Variants in JAZF1 observed in about 807,000 individuals in gnomAD.
JAZF1 encodes juxtaposed with another zinc finger protein 1.
Under a neutral mutation model 26.4 loss-of-function variants are expected in JAZF1, and 8 were observed. The observed-to-expected ratio is 0.30, with a 90% CI of 0.18 to 0.55. The LOEUF (loss-of-function observed/expected upper bound fraction) is 0.55. Among genes scored for constraint, JAZF1 ranks in the 20% least tolerant of loss-of-function variants. JAZF1 has a pLI of 0.94. For synonymous variants in JAZF1, 126 were observed against 122.3 expected (o/e 1.03, Z -0.20); for missense variants, 199 against 322.0 (o/e 0.62, Z 2.92).
At chr7:27,975,908 A>G (rs1785460882) in intron 2 of JAZF1, among the ~76,000 whole-genome samples, 1 of 152,194 alleles carries the variant, frequency 6.6e-6, no homozygotes, top group African/African-American at 2.4e-5. Flanking sequence ...TTCCTAACAA[A>G]TGAATCACAT....
intron 1 of JAZF1, among the ~76,000 whole-genome samples, chr7:28,045,047 C>T (rs75368875): frequency 0.036 from 5,484 of 151,848 alleles, 340 homozygotes; most frequent in African/African-American, 0.13. Flanking sequence ...AGTGCCTAGC[C>T]TAAGGGGCAG....
intron 2 of JAZF1, among the ~76,000 whole-genome samples, chr7:27,907,962 G>C (rs1485591690): frequency 1.3e-5 from 2 of 152,182 alleles, no homozygotes; most frequent in Non-Finnish European, 2.9e-5. Context: ...CTGTGCCATC[G>C]TGGACTTACA....
rs1047441860 is a variant in JAZF1 at position 27,949,941 on chromosome 7, C to T, written c.188+41968G>A. On this transcript the variant is annotated intron_variant, in intron 2 of 4. Transcript: ENST00000283928. The stretch of plus-strand genomic sequence containing the variant: ...TTATCTCTCCACTGTCTCCCAATCC[C>T]CAACTTAGGAACTTCCCAGGATTCC... Among the ~76,000 whole-genome samples the T allele has an allele frequency of 2.0e-5, 3 of 152,168 alleles. No individual in the cohort carries two copies. In the South Asian group the frequency reaches 6.2e-4, roughly 32 times the overall value.
chr7:27,911,160 G>A (rs207), intron 2 of JAZF1, among the ~76,000 whole-genome samples: 145,023 of 152,314 alleles, frequency 0.95, 69,151 homozygotes, highest in East Asian at 1. Context: ...TGTTCCCAAC[G>A]GTGTGCAAAC....
At chr7:27,948,928 T>A (rs955204935) in intron 2 of JAZF1, among the ~76,000 whole-genome samples, 1 of 152,202 alleles carries the variant, frequency 6.6e-6, no homozygotes, top group South Asian at 2.1e-4. Flanking sequence ...TACCTGCCCT[T>A]AGAAGACATC....
chr7:27,846,082 G>A (rs188654051), intron 3 of JAZF1, among the ~76,000 whole-genome samples: 16 of 151,958 alleles, frequency 1.1e-4, no homozygotes, highest in Admixed American at 2.6e-4. Flanking sequence ...TTCATCCTAC[G>A]TACCTACTAC....
intron 2 of JAZF1, among the ~76,000 whole-genome samples, chr7:27,901,413 A>G (rs968378684): frequency 6.6e-6 from 1 of 152,216 alleles, no homozygotes; most frequent in Admixed American, 6.5e-5. Context: ...GAAAATGTCA[A>G]CTGCTGGTCC....
intron 2 of JAZF1, among the ~76,000 whole-genome samples, chr7:27,952,285 A>T (rs751826639): frequency 1.6e-4 from 25 of 152,194 alleles, no homozygotes; most frequent in Non-Finnish European, 3.1e-4. Flanking sequence ...GGGGTCAGAG[A>T]AGACATTTCG....
intron 1 of JAZF1, among the ~76,000 whole-genome samples, chr7:28,128,128 T>C (rs2127940667): frequency 6.6e-6 from 1 of 152,306 alleles, no homozygotes; most frequent in South Asian, 2.1e-4. Context: ...AGGTTGTAGA[T>C]GTGATCATAG....
At chr7:27,898,144 G>A (rs933392619) in intron 2 of JAZF1, among the ~76,000 whole-genome samples, 4 of 152,068 alleles carry the variant, frequency 2.6e-5, no homozygotes, top group Non-Finnish European at 1.5e-5. Flanking sequence ...AAAGCACTGA[G>A]CACACACGTG....
chr7:27,862,008 C>T (rs757739724), intron 3 of JAZF1, among the ~76,000 whole-genome samples: 2 of 152,172 alleles, frequency 1.3e-5, no homozygotes, highest in Non-Finnish European at 2.9e-5. Flanking sequence ...TCAGCATCTC[C>T]AGAGCCATGC....
intron 1 of JAZF1, among the ~76,000 whole-genome samples, chr7:28,013,265 C>A (rs1782828588): frequency 6.6e-6 from 1 of 152,164 alleles, no homozygotes. Context: ...AGACCTAGCA[C>A]AGGGCCTGCT....
chr7:28,127,926 C>T (rs921488739), intron 1 of JAZF1, among the ~76,000 whole-genome samples: 3 of 152,068 alleles, frequency 2.0e-5, no homozygotes, highest in African/African-American at 7.2e-5. Flanking sequence ...CCTCATGATT[C>T]AATCATCTCC....
intron 2 of JAZF1, among the ~76,000 whole-genome samples, chr7:27,906,043 A>G (rs1280780730): frequency 1.3e-5 from 2 of 152,198 alleles, no homozygotes; most frequent in Non-Finnish European, 2.9e-5. Context: ...TATTATTATC[A>G]TTGCGAAAAA....
intron 3 of JAZF1, among the ~76,000 whole-genome samples, chr7:27,850,480 C>A (rs966995867): frequency 1.3e-5 from 2 of 152,130 alleles, no homozygotes; most frequent in African/African-American, 4.8e-5. Flanking sequence ...ATTGCCAGCC[C>A]GGTGTTGGAT....
intron 1 of JAZF1, among the ~76,000 whole-genome samples, chr7:28,158,201 A>AGAGAGAGG (rs1169611404): frequency 6.6e-6 from 1 of 151,580 alleles, no homozygotes; most frequent in Non-Finnish European, 1.5e-5. Flanking sequence ...AGAGAGAGAG[A>AGAGAGAGG]GAGGGAGAGA....
intron 1 of JAZF1, among the ~76,000 whole-genome samples, chr7:28,014,984 A>C (rs900479162): frequency 1.3e-5 from 2 of 151,918 alleles, no homozygotes; most frequent in African/African-American, 2.4e-5. Flanking sequence ...ATCCTGCCAA[A>C]TTCTCAGCTC....
chr7:28,018,905 C>T (rs1782948477), intron 1 of JAZF1, among the ~76,000 whole-genome samples: 1 of 152,188 alleles, frequency 6.6e-6, no homozygotes, highest in South Asian at 2.1e-4. Flanking sequence ...CAGTTGGAGT[C>T]TGTCCTCACT....
intron 2 of JAZF1, among the ~76,000 whole-genome samples, chr7:27,960,944 C>T (rs971994370): frequency 2.6e-5 from 4 of 152,118 alleles, no homozygotes; most frequent in Admixed American, 2.6e-4. Flanking sequence ...AAAGAAAACC[C>T]TGGGGTGTTA....
Sources: allele counts gnomAD v4.1 joint callset (sites outside exome capture counted in the v4.1 genomes callset), GRCh38; gene constraint gnomAD v4.1.1; transcripts MANE v1.5; gene names NCBI Gene and HGNC (gene_info 2026-07-23, HGNC 2026-07-21).